The following EPB41 variants were observed in gnomAD, a reference collection of about 807,000 sequenced individuals.
EPB41 encodes the protein protein 4.1.
In EPB41, 65 loss-of-function variants were observed where a neutral mutation model predicts 108.0. The observed-to-expected ratio is 0.60, with a 90% CI of 0.49 to 0.74. The LOEUF (loss-of-function observed/expected upper bound fraction) is 0.74, where lower values mean the gene tolerates loss of function less well. Among genes scored for constraint, EPB41 ranks in the 30% least tolerant of loss-of-function variants. The pLI, the probability that EPB41 is intolerant of heterozygous loss-of-function variation, is 0.00. For synonymous variants in EPB41, 336 were observed against 358.9 expected (o/e 0.94, Z 0.72); for missense variants, 875 against 1,037.0 (o/e 0.84, Z 2.15).
Position 29,119,581 on chromosome 1 carries a change from A to ATCCCCG in EPB41, c.*2775_*2780dup, listed in dbSNP as rs1671546649. On this transcript the variant is annotated 3_prime_UTR_variant, in exon 21 of 21. Coordinates refer to ENST00000343067, the MANE Select transcript of EPB41 (RefSeq NM_001376013.1). ...GGGACCCGTCAGGGCCCCGTGACCC[A>ATCCCCG]TCCCCGTCCCCACCCCCCCCTCCAC... The ATCCCCG allele has an allele frequency of 6.6e-6, 1 of 151,716 alleles. No homozygotes were observed. The highest frequency in any genetic ancestry group is 2.4e-5 in the African/African-American group (1 of 41,282). The allele number at this position is 151,716 out of a possible 1,614,324, so 9.4% of individuals were successfully genotyped here.
intron 15 of EPB41, 108 bp from the exon 16 acceptor site, chr1:29,064,874 T>C: frequency 7.3e-7 from 1 of 1,366,236 alleles, no homozygotes; most frequent in Non-Finnish European, 1.0e-6. Context: ...ACATCTGTCC[T>C]GGATGTGGTA....
chr1:29,047,416 AT>A (rs34287796), intron 11 of EPB41, among the ~76,000 whole-genome samples: 47,217 of 133,554 alleles, frequency 0.35, 7,794 homozygotes, highest in Non-Finnish European at 0.39. Context: ...CGCCTGGCTA[AT>A]TTTTTTTTTT....
At chr1:28,960,455 T>C (rs1191489941) in intron 1 of EPB41, among the ~76,000 whole-genome samples, 3 of 150,418 alleles carry the variant, frequency 2.0e-5, no homozygotes, top group Non-Finnish European at 4.4e-5. Flanking sequence ...TGGCCAGGCA[T>C]AGTGGCTCAT....
chr1:28,924,361 T>C (rs1047928660), intron 1 of EPB41, among the ~76,000 whole-genome samples: 2 of 152,228 alleles, frequency 1.3e-5, no homozygotes, highest in Non-Finnish European at 2.9e-5. Context: ...AAACCCCGTC[T>C]CTACTAAAAA....
At chr1:28,906,052 C>T (rs1383966637) in intron 1 of EPB41, among the ~76,000 whole-genome samples, 9 of 152,102 alleles carry the variant, frequency 5.9e-5, no homozygotes, top group Admixed American at 5.9e-4. Flanking sequence ...CTCCTGGCCT[C>T]AACTGATCCA....
At chr1:29,051,978 C>A (rs548224133) in intron 11 of EPB41, among the ~76,000 whole-genome samples, 2 of 151,544 alleles carry the variant, frequency 1.3e-5, no homozygotes, top group Non-Finnish European at 2.9e-5. Flanking sequence ...AAAACACTTT[C>A]ATTCCTAGAT....
intron 1 of EPB41, among the ~76,000 whole-genome samples, chr1:28,944,312 A>G (rs373609042): frequency 2.0e-5 from 3 of 152,260 alleles, no homozygotes; most frequent in East Asian, 1.9e-4. Context: ...TGATAGCACA[A>G]TAGGGTGACT....
intron 1 of EPB41, among the ~76,000 whole-genome samples, chr1:28,939,255 C>T (rs2094176742): frequency 6.6e-6 from 1 of 151,924 alleles, no homozygotes; most frequent in Non-Finnish European, 1.5e-5. Context: ...TTGAGATGAT[C>T]ATGTGGATTT....
chr1:28,925,688 A>G (rs1322881141), intron 1 of EPB41, among the ~76,000 whole-genome samples: 1 of 152,200 alleles, frequency 6.6e-6, no homozygotes, highest in East Asian at 1.9e-4. Context: ...GGTGTGTATG[A>G]GAAACATTGA....
At chr1:29,062,574 A>G (rs1472617610) in intron 15 of EPB41, among the ~76,000 whole-genome samples, 1 of 152,204 alleles carries the variant, frequency 6.6e-6, no homozygotes, top group Non-Finnish European at 1.5e-5. Context: ...GAACACAGCC[A>G]AAGTAATTTG....
intron 1 of EPB41, among the ~76,000 whole-genome samples, chr1:28,901,416 C>G (rs60269870): frequency 0.047 from 6,913 of 147,480 alleles, 414 homozygotes; most frequent in African/African-American, 0.14. Flanking sequence ...GTAGAGACAG[C>G]GTTTCACCAT....
intron 1 of EPB41, among the ~76,000 whole-genome samples, chr1:28,945,466 T>C (rs2094458092): frequency 6.6e-6 from 1 of 152,180 alleles, no homozygotes. Flanking sequence ...AGGTTTTAAA[T>C]AGATAATTTT....
chr1:29,104,837 C>G (rs780664424), intron 17 of EPB41, among the ~76,000 whole-genome samples: 2 of 152,122 alleles, frequency 1.3e-5, no homozygotes, highest in African/African-American at 2.4e-5. Flanking sequence ...ATCCTTCCGC[C>G]TCGGCCTCCC....
At chr1:29,077,510 C>T (rs976864367) in intron 16 of EPB41, among the ~76,000 whole-genome samples, 4 of 152,036 alleles carry the variant, frequency 2.6e-5, no homozygotes, top group African/African-American at 9.7e-5. Flanking sequence ...AAAGTCATCT[C>T]GGATAAGTGT....
At chr1:28,995,145 T>C (rs1356022246) in intron 3 of EPB41, among the ~76,000 whole-genome samples, 1 of 152,012 alleles carries the variant, frequency 6.6e-6, no homozygotes, top group Non-Finnish European at 1.5e-5. Flanking sequence ...CTTTTTCTGC[T>C]TCTTGCACTA....
At chr1:28,910,028 A>C (rs916921200), upstream of EPB41, among the ~76,000 whole-genome samples, 3 of 151,896 alleles carry the variant, frequency 2.0e-5, no homozygotes, top group African/African-American at 4.8e-5. Flanking sequence ...TCGAGGCTGC[A>C]GTGAGCTGTG....
intron 4 of EPB41, among the ~76,000 whole-genome samples, chr1:29,007,914 A>G (rs2096434709): frequency 6.6e-6 from 1 of 152,206 alleles, no homozygotes; most frequent in South Asian, 2.1e-4. Flanking sequence ...AAGGTGCCCA[A>G]ATGTATATCT....
chr1:28,919,767 C>A (rs896445246), intron 1 of EPB41, among the ~76,000 whole-genome samples: 2 of 152,126 alleles, frequency 1.3e-5, no homozygotes, highest in Non-Finnish European at 2.9e-5. Flanking sequence ...AAAGTCCTTT[C>A]TATATAGAAA....
At chr1:29,002,247 G>A (rs993627185) in intron 4 of EPB41, among the ~76,000 whole-genome samples, 1 of 151,970 alleles carries the variant, frequency 6.6e-6, no homozygotes, top group African/African-American at 2.4e-5. Context: ...TGGATCACTT[G>A]AGCCCAGGAG....
Sources: allele counts gnomAD v4.1 joint callset (sites outside exome capture counted in the v4.1 genomes callset), GRCh38; gene constraint gnomAD v4.1.1; transcripts MANE v1.5; gene names NCBI Gene and HGNC (gene_info 2026-07-23, HGNC 2026-07-21).